The following NCALD variants were observed in gnomAD, a reference collection of about 807,000 sequenced individuals.
The protein encoded by NCALD is neurocalcin delta.
Under a neutral mutation model 18.6 loss-of-function variants are expected in NCALD, and 10 were observed. That is an observed-to-expected ratio of 0.54 (90% CI 0.33 to 0.91). The LOEUF (loss-of-function observed/expected upper bound fraction) is 0.91, where lower values mean the gene tolerates loss of function less well. NCALD is among the 40% of genes least tolerant of loss of function. NCALD has a pLI of 0.03. For missense variants in NCALD, 184 were observed against 247.6 expected (o/e 0.74, Z 1.72); for synonymous variants, 88 against 87.4 (o/e 1.01, Z -0.04).
In NCALD at chr8:101,728,311, A is replaced by G. The variant is rs146646376; in HGVS notation, c.-19-8663T>C. Among the ~76,000 whole-genome samples, 527 of 152,304 alleles carry G rather than the reference A, an allele frequency of 3.5e-3. 3 individuals are homozygous for G. The highest frequency in any genetic ancestry group is 0.012 in the African/African-American group (497 of 41,574). ...TTCCTCATAAGGTTCTGAAAGCTCC[A>G]TGACTTAATTCCTCAGAGCCCAGAG... On this transcript the variant is annotated intron_variant, in intron 1 of 3. Transcript: ENST00000220931.
chr8:102,016,453 T>C (rs2132084542), intron 2 of NCALD, among the ~76,000 whole-genome samples: 2 of 152,112 alleles, frequency 1.3e-5, no homozygotes, highest in Middle Eastern at 6.8e-3. Context: ...AGCACAAACA[T>C]GAAGAAAGAG....
intron 2 of NCALD, among the ~76,000 whole-genome samples, chr8:101,932,972 G>C (rs766179383): frequency 2.6e-5 from 4 of 152,118 alleles, no homozygotes; most frequent in Admixed American, 6.5e-5. Flanking sequence ...CTATTACCTA[G>C]AAATAGCATT....
chr8:101,830,072 A>T (rs988659586), intron 4 of NCALD, among the ~76,000 whole-genome samples: 16 of 143,528 alleles, frequency 1.1e-4, no homozygotes, highest in South Asian at 1.1e-3. Flanking sequence ...TGAGAATCTT[A>T]TGTTTTTAAT....
At chr8:101,905,329 A>AT (rs1211764881) in intron 3 of NCALD, among the ~76,000 whole-genome samples, 2 of 146,092 alleles carry the variant, frequency 1.4e-5, no homozygotes, top group African/African-American at 2.5e-5. Context: ...CCCTGGGGGT[A>AT]TTTTTTTGAC....
chr8:101,878,214 A>T lies in NCALD; in HGVS notation c.-20+8927T>A, dbSNP rs375985455. 1.3e-4 allele frequency among the ~76,000 whole-genome samples: 20 copies of T among 152,388 alleles called. No individual in the cohort carries two copies. In the East Asian group the frequency reaches 3.7e-3, roughly 28 times the overall value. ...CTGCAACTTCCTACCACTTCAGAAG[A>T]CATTCTTGAACCACTGAAAGTGAGA... On this transcript the variant is annotated intron_variant, in intron 4 of 6. Transcript: ENST00000311028.
intron 4 of NCALD, among the ~76,000 whole-genome samples, chr8:101,815,248 G>C (rs776027013): frequency 1.8e-4 from 27 of 152,038 alleles, no homozygotes; most frequent in Non-Finnish European, 3.7e-4. Context: ...AAGACAGTGT[G>C]GTACTGGTGA....
intron 2 of NCALD, among the ~76,000 whole-genome samples, chr8:102,000,337 G>A (rs540752835): frequency 5.6e-4 from 85 of 152,238 alleles, no homozygotes; most frequent in Middle Eastern, 3.4e-3. Flanking sequence ...AGGGGTACCC[G>A]CCATTGCCGA....
Position 101,730,248 on chromosome 8 carries a change from G to A in NCALD, c.-19-10600C>T, listed in dbSNP as rs189078338. On this transcript the variant is annotated intron_variant, in intron 1 of 3. Coordinates refer to ENST00000220931, the MANE Select transcript of NCALD (RefSeq NM_032041.3). The stretch of plus-strand genomic sequence containing the variant: ...TCTAATCTCAGCACTTTGGGAGGCC[G>A]AGGCGGGCAGATCACAAGGTCAGGA... Among the ~76,000 whole-genome samples, 159 of 152,014 alleles carry A rather than the reference G, an allele frequency of 1.0e-3. 3 individuals are homozygous for A. The highest frequency in any genetic ancestry group is 9.7e-3 in the Admixed American group (148 of 15,274).
intron 1 of NCALD, among the ~76,000 whole-genome samples, chr8:102,072,885 G>A (rs956225417): frequency 8.6e-5 from 13 of 152,018 alleles, no homozygotes; most frequent in African/African-American, 3.1e-4. Context: ...TTTCATAAGT[G>A]TAAATTCATA....
intron 1 of NCALD, among the ~76,000 whole-genome samples, chr8:101,756,270 C>T (rs1810876359): frequency 6.6e-6 from 1 of 152,122 alleles, no homozygotes; most frequent in African/African-American, 2.4e-5. Flanking sequence ...AGAAAGCTTC[C>T]ATGAGGTGAC....
chr8:101,822,787 C>G (rs118107249), intron 4 of NCALD, among the ~76,000 whole-genome samples: 3 of 152,204 alleles, frequency 2.0e-5, no homozygotes, highest in Admixed American at 6.5e-5. Flanking sequence ...TGCTGGCCCC[C>G]CTCTGCCCTT....
intron 1 of NCALD, among the ~76,000 whole-genome samples, chr8:102,056,826 ACT>A (rs1244055803): frequency 6.6e-6 from 1 of 152,202 alleles, no homozygotes; most frequent in African/African-American, 2.4e-5. Context: ...TCAGGACTTC[ACT>A]CTGTTTCTTA....
At chr8:102,100,300 A>G (rs1409141278) in intron 1 of NCALD, among the ~76,000 whole-genome samples, 1 of 152,258 alleles carries the variant, frequency 6.6e-6, no homozygotes, top group Non-Finnish European at 1.5e-5. Context: ...AAACTCAAGG[A>G]GGAATAAATC....
intron 2 of NCALD, among the ~76,000 whole-genome samples, chr8:101,714,598 A>C (rs896456623): frequency 5.3e-5 from 8 of 152,252 alleles, no homozygotes; most frequent in African/African-American, 1.9e-4. Flanking sequence ...TGCTCTTCAC[A>C]TCAAGCTACC....
chr8:102,005,212 C>A (rs1218004934), intron 2 of NCALD, among the ~76,000 whole-genome samples: 1 of 152,134 alleles, frequency 6.6e-6, no homozygotes, highest in African/African-American at 2.4e-5. Context: ...AACAAGTGGG[C>A]GAAGGATATG....
chr8:101,728,548 G>A (rs773787882), intron 1 of NCALD, among the ~76,000 whole-genome samples: 2 of 152,170 alleles, frequency 1.3e-5, no homozygotes, highest in Non-Finnish European at 2.9e-5. Context: ...CTAGGGCGGG[G>A]CGTAGCTCAT....
At chr8:102,013,314 T>C (rs954230469) in intron 2 of NCALD, among the ~76,000 whole-genome samples, 1 of 152,246 alleles carries the variant, frequency 6.6e-6, no homozygotes, top group Non-Finnish European at 1.5e-5. Context: ...GGAGATGTCA[T>C]TGTAGATGAA....
At chr8:102,100,644 G>C (rs1825244381) in intron 1 of NCALD, among the ~76,000 whole-genome samples, 1 of 152,222 alleles carries the variant, frequency 6.6e-6, no homozygotes, top group Non-Finnish European at 1.5e-5. Flanking sequence ...ATAGGTGGAA[G>C]GAACCCAAAC....
At chr8:101,802,222 C>G (rs966730762) in intron 4 of NCALD, among the ~76,000 whole-genome samples, 5 of 152,158 alleles carry the variant, frequency 3.3e-5, no homozygotes, top group Middle Eastern at 3.4e-3. Context: ...CTTTGGGGCA[C>G]CACAAACCAT....
Sources: gnomAD v4.1 joint callset for allele counts (sites outside exome capture counted in the v4.1 genomes callset) on GRCh38, gnomAD v4.1.1 for gene constraint, MANE v1.5 for transcripts, NCBI Gene and HGNC (gene_info 2026-07-23, HGNC 2026-07-21) for gene names.